Variants in CSGALNACT1 observed in about 807,000 individuals in gnomAD.
CSGALNACT1 encodes chondroitin sulfate N-acetylgalactosaminyltransferase 1.
Under a neutral mutation model 51.0 loss-of-function variants are expected in CSGALNACT1, and 52 were observed. The ratio of observed to expected loss-of-function variants is 1.02; its 90% CI spans 0.82 to 1.29. The LOEUF (loss-of-function observed/expected upper bound fraction) is 1.29, where lower values mean the gene tolerates loss of function less well. Among genes scored for constraint, CSGALNACT1 ranks in the 50% most tolerant of loss-of-function variants. The pLI, the probability that CSGALNACT1 is intolerant of heterozygous loss-of-function variation, is 0.00. For missense variants in CSGALNACT1, 935 were observed against 679.2 expected, an observed-to-expected ratio of 1.38 and a Z score of -4.19; for synonymous variants, 341 against 254.4, an observed-to-expected ratio of 1.34 and a Z score of -3.24.
intron 3 of CSGALNACT1, among the ~76,000 whole-genome samples, chr8:19,513,724 A>G (rs1051502323): frequency 2.7e-4 from 41 of 152,042 alleles, no homozygotes; most frequent in Admixed American, 2.6e-3. Context: ...GGTATAGCCT[A>G]TTGCTTCTAG....
intron 7 of CSGALNACT1, 101 bp from the exon 7 acceptor site, chr8:19,418,851 C>A: frequency 1.2e-6 from 1 of 814,804 alleles, no homozygotes; most frequent in Admixed American, 2.0e-5. Context: ...TATTTGCACC[C>A]ACTTTTTTTT....
At chr8:19,477,026 A>C (rs2069869819) in intron 4 of CSGALNACT1, among the ~76,000 whole-genome samples, 1 of 152,162 alleles carries the variant, frequency 6.6e-6, no homozygotes, top group Non-Finnish European at 1.5e-5. Context: ...ATAATAACTC[A>C]CTAAAATTCC....
At chr8:19,521,765 G>C (rs2080774571) in intron 3 of CSGALNACT1, among the ~76,000 whole-genome samples, 1 of 152,220 alleles carries the variant, frequency 6.6e-6, no homozygotes, top group Non-Finnish European at 1.5e-5. Flanking sequence ...GAAGTTCTAG[G>C]AGAAAGACAA....
intron 3 of CSGALNACT1, among the ~76,000 whole-genome samples, chr8:19,575,270 G>C (rs979314677): frequency 1.3e-5 from 2 of 152,186 alleles, no homozygotes; most frequent in African/African-American, 2.4e-5. Context: ...CACTCTGGTT[G>C]TCGCCTTTTC....
intron 4 of CSGALNACT1, among the ~76,000 whole-genome samples, chr8:19,474,882 A>G (rs1278367302): frequency 1.3e-5 from 2 of 150,626 alleles, no homozygotes; most frequent in Admixed American, 6.6e-5. Context: ...AAAAAAAAAA[A>G]AAAAGAAAAA....
At chr8:19,504,802 G>A (rs1212552666) in intron 4 of CSGALNACT1, among the ~76,000 whole-genome samples, 4 of 152,162 alleles carry the variant, frequency 2.6e-5, no homozygotes, top group East Asian at 1.9e-4. Context: ...AATAAGTGTG[G>A]CTGGCACATG....
chr8:19,447,301 G>A (rs905451911), intron 5 of CSGALNACT1, among the ~76,000 whole-genome samples: 3 of 152,188 alleles, frequency 2.0e-5, no homozygotes, highest in African/African-American at 7.2e-5. Context: ...AAAGCTGGGG[G>A]ACTGGTATGG....
chr8:19,438,951 A>G (rs1000705441), intron 6 of CSGALNACT1, among the ~76,000 whole-genome samples: 1 of 152,204 alleles, frequency 6.6e-6, no homozygotes, highest in Non-Finnish European at 1.5e-5. Context: ...AACAGAGGAC[A>G]CTGTTTATAT....
chr8:19,515,340 T>C (rs2079313488), intron 3 of CSGALNACT1, among the ~76,000 whole-genome samples: 1 of 152,124 alleles, frequency 6.6e-6, no homozygotes, highest in South Asian at 2.1e-4. Context: ...GCTCCTTGAG[T>C]CTTCCCTGTG....
rs558065893 is a variant in CSGALNACT1 at position 19,756,471 on chromosome 8, T to C, written c.-297+1379A>G. Among the ~76,000 whole-genome samples, 13 of 152,308 alleles carry C rather than the reference T, an allele frequency of 8.5e-5. No homozygotes were observed. The East Asian group carries it at 2.5e-3, about 29-fold the overall frequency. On this transcript the variant is annotated intron_variant, in intron 1 of 1. Transcript: ENST00000517494. Reference sequence around the variant, plus strand: ...CATTCTTTGCTCATCGATGAAAAGATAACTTCAAAATCTCTGACAGGAATG... The same window carrying C: ...CATTCTTTGCTCATCGATGAAAAGACAACTTCAAAATCTCTGACAGGAATG...
At chr8:19,720,410 G>C (rs1293798986) in intron 1 of CSGALNACT1, among the ~76,000 whole-genome samples, 1 of 152,204 alleles carries the variant, frequency 6.6e-6, no homozygotes, top group African/African-American at 2.4e-5. Flanking sequence ...TAGCTGGGGT[G>C]CTCAAAAGAG....
chr8:19,535,445 G>C (rs527609086), intron 3 of CSGALNACT1, among the ~76,000 whole-genome samples: 1 of 152,218 alleles, frequency 6.6e-6, no homozygotes, highest in East Asian at 1.9e-4. Context: ...TCTCTATAAG[G>C]GGTGATTTAC....
Position 19,505,481 on chromosome 8 carries a change from G to A in CSGALNACT1, c.354C>T (p.Ala118=), listed in dbSNP as rs575336954. The A allele has an allele frequency of 1.6e-5, 26 of 1,614,150 alleles. No homozygotes were observed. In the East Asian group the frequency reaches 2.9e-4, roughly 18 times the overall value. ...GCGAGTGCAGGAAGGCCAGGAGGTC[G>A]GCCTGGGTTTTCTCTGGGGGGCTCC... Residue 118 remains alanine (A), a synonymous_variant, in exon 4 of 10, where the codon GCC becomes GCT. Coordinates refer to ENST00000454498, the Ensembl canonical transcript of CSGALNACT1.
chr8:19,626,005 G>T (rs1267084082), intron 1 of CSGALNACT1, among the ~76,000 whole-genome samples: 1 of 152,176 alleles, frequency 6.6e-6, no homozygotes, highest in South Asian at 2.1e-4. Context: ...ACAGGATGAA[G>T]AAAGTATTAA....
intron 3 of CSGALNACT1, among the ~76,000 whole-genome samples, chr8:19,522,059 C>G (rs542782904): frequency 2.6e-5 from 4 of 152,292 alleles, no homozygotes; most frequent in Admixed American, 1.3e-4. Context: ...TGTTTGGTTT[C>G]TTGAAGCCTT....
chr8:19,682,751 A>T (rs11204064), upstream of CSGALNACT1: 1 of 453,818 alleles, frequency 2.2e-6, no homozygotes, highest in South Asian at 1.6e-5. Flanking sequence ...TGCGGATCCC[A>T]GAACAAGCCC....
chr8:19,452,255 G>A lies in CSGALNACT1; in HGVS notation c.851+6171C>T, dbSNP rs547109029. Reference sequence around the variant, plus strand: ...AGATTCAGGTGAGAGAAGGCAGCCTGGGGGACCTAGGGAAGACACAAGAGA... The same window carrying A: ...AGATTCAGGTGAGAGAAGGCAGCCTAGGGGACCTAGGGAAGACACAAGAGA... On this transcript the variant is annotated intron_variant, in intron 5 of 9. Coordinates refer to ENST00000454498, the Ensembl canonical transcript of CSGALNACT1. Among the ~76,000 whole-genome samples the A allele has an allele frequency of 6.6e-5, 10 of 152,298 alleles. No homozygotes were observed. In the East Asian group the frequency reaches 1.9e-3, roughly 29 times the overall value.
At chr8:19,482,401 G>A (rs567749782) in intron 4 of CSGALNACT1, among the ~76,000 whole-genome samples, 41 of 152,124 alleles carry the variant, frequency 2.7e-4, no homozygotes, top group African/African-American at 8.9e-4. Flanking sequence ...CTTGTCCCAC[G>A]GCAACCTTAT....
At chr8:19,722,970 T>A (rs967582766) in intron 1 of CSGALNACT1, among the ~76,000 whole-genome samples, 2 of 152,222 alleles carry the variant, frequency 1.3e-5, no homozygotes, top group Non-Finnish European at 2.9e-5. Flanking sequence ...CTGTCACTAC[T>A]ACCTGCCACC....
Sources: gnomAD v4.1 joint callset for allele counts (sites outside exome capture counted in the v4.1 genomes callset) on GRCh38, gnomAD v4.1.1 for gene constraint, MANE v1.5 for transcripts, NCBI Gene and HGNC (gene_info 2026-07-23, HGNC 2026-07-21) for gene names.